MTUS2: variants seen among roughly 807,000 people sequenced by gnomAD.
MTUS2 encodes the protein microtubule associated scaffold protein 2, also known as microtubule-associated tumor suppressor candidate 2.
A neutral mutation model predicts 114.1 loss-of-function variants in MTUS2; 40 were observed. The observed-to-expected ratio is 0.35, with a 90% confidence interval of 0.27 to 0.46. MTUS2 has a LOEUF of 0.46. Among genes scored for constraint, MTUS2 ranks in the 20% least tolerant of loss-of-function variants. The pLI, the probability that MTUS2 is intolerant of heterozygous loss-of-function variation, is 1.00. For synonymous variants in MTUS2, 688 were observed against 672.0 expected, an observed-to-expected ratio of 1.02 and a Z score of -0.37; for missense variants, 1,679 against 1,705.4, an observed-to-expected ratio of 0.98 and a Z score of 0.27.
intron 8 of MTUS2, among the ~76,000 whole-genome samples, chr13:29,387,697 A>G (rs1872723725): frequency 6.6e-6 from 1 of 152,180 alleles, no homozygotes; most frequent in African/African-American, 2.4e-5. Flanking sequence ...GTGTGTGGGA[A>G]AAACCAGTAG....
chr13:29,395,568 A>G (rs987814342), intron 8 of MTUS2, among the ~76,000 whole-genome samples: 2 of 152,192 alleles, frequency 1.3e-5, no homozygotes, highest in Non-Finnish European at 2.9e-5. Context: ...GGTACCTGCA[A>G]AGTCACAGCC....
At chr13:29,169,740 T>C (rs1471523713) in intron 5 of MTUS2, among the ~76,000 whole-genome samples, 1 of 152,168 alleles carries the variant, frequency 6.6e-6, no homozygotes, top group African/African-American at 2.4e-5. Context: ...CGCTTAAGGA[T>C]TTTTCCAGCC....
chr13:29,503,446 C>G lies in MTUS2; in HGVS notation c.*240C>G, dbSNP rs1164303845. 4 of 586,678 alleles carry G rather than the reference C, an allele frequency of 6.8e-6. No individual in the cohort carries two copies. The African/African-American group carries it at 7.4e-5, about 11-fold the overall frequency. 36.3% of individuals were successfully genotyped at this position (586,678 alleles called of 1,614,324 possible). On this transcript the variant is annotated 3_prime_UTR_variant, in exon 16 of 16. Coordinates refer to ENST00000612955, the MANE Select transcript of MTUS2 (RefSeq NM_001033602.4). Reference sequence around the variant, plus strand: ...ACCATAGTTAGAGCCAAAAGAAAGACACTTGCAATTGTTCTTGAGCAATGA... The same window carrying G: ...ACCATAGTTAGAGCCAAAAGAAAGAGACTTGCAATTGTTCTTGAGCAATGA...
intron 5 of MTUS2, among the ~76,000 whole-genome samples, chr13:29,234,032 T>A (rs4769704): frequency 0.76 from 116,113 of 152,120 alleles, 44,450 homozygotes; most frequent in East Asian, 0.89. Context: ...TTCAGTGAAT[T>A]TCAGGTCAAG....
intron 11 of MTUS2, among the ~76,000 whole-genome samples, chr13:29,491,805 ATG>A: frequency 8.6e-6 from 1 of 116,116 alleles, no homozygotes; most frequent in Non-Finnish European, 1.8e-5. Context: ...AGCGTATGTG[ATG>A]TGTGTGGGGT....
rs149268055 is a variant in MTUS2 at position 28,993,155 on chromosome 13, G to A, written c.-242-31302G>A. Reference sequence around the variant, plus strand: ...TTATCCATAGGGGGATATTTGGGTTGATTTCACATTTTAGCTATTGTGACT... The same window carrying A: ...TTATCCATAGGGGGATATTTGGGTTAATTTCACATTTTAGCTATTGTGACT... On this transcript the variant is annotated intron_variant, in intron 2 of 15. Transcript: ENST00000612955. Among the ~76,000 whole-genome samples, 471 of 152,292 alleles carry A rather than the reference G, an allele frequency of 3.1e-3. 6 individuals carry two copies. The highest frequency in any genetic ancestry group is 0.011 in the African/African-American group (454 of 41,566).
chr13:29,299,323 C>T (rs530582638), intron 6 of MTUS2, among the ~76,000 whole-genome samples: 4 of 152,224 alleles, frequency 2.6e-5, no homozygotes, highest in East Asian at 1.9e-4. Context: ...TCAGACATCC[C>T]GGGACTAAGG....
chr13:29,108,131 G>T (rs7994251), intron 5 of MTUS2, among the ~76,000 whole-genome samples: 98,442 of 152,110 alleles, frequency 0.65, 32,967 homozygotes, highest in Non-Finnish European at 0.74. Context: ...GGGTTGACAA[G>T]AAATGTTATT....
At chr13:28,895,881 G>A (rs1201011283) in intron 2 of MTUS2, among the ~76,000 whole-genome samples, 1 of 152,194 alleles carries the variant, frequency 6.6e-6, no homozygotes, top group Non-Finnish European at 1.5e-5. Flanking sequence ...GTAATTCTGT[G>A]AGATGGTGCA....
chr13:29,350,779 T>A (rs1869163458), intron 7 of MTUS2, among the ~76,000 whole-genome samples: 1 of 151,742 alleles, frequency 6.6e-6, no homozygotes, highest in Non-Finnish European at 1.5e-5. Context: ...CTCTTCCTTG[T>A]TTGCAGATGG....
At chr13:29,103,414 C>T (rs9506105) in intron 5 of MTUS2, among the ~76,000 whole-genome samples, 1 of 152,048 alleles carries the variant, frequency 6.6e-6, no homozygotes, top group East Asian at 1.9e-4. Context: ...CACAATAGTG[C>T]GTATTGGTAT....
chr13:29,316,175 G>C (rs11618964), intron 6 of MTUS2, among the ~76,000 whole-genome samples: 1 of 152,268 alleles, frequency 6.6e-6, no homozygotes, highest in East Asian at 1.9e-4. Flanking sequence ...CTTTACACAC[G>C]TGTGGGGCCT....
chr13:28,976,246 A>G (rs1884099086), intron 2 of MTUS2, among the ~76,000 whole-genome samples: 1 of 107,996 alleles, frequency 9.3e-6, no homozygotes, highest in African/African-American at 4.2e-5. Flanking sequence ...AAAAAGAATT[A>G]GAGAAATAAG....
At chr13:29,441,201 C>G (rs754326753) in intron 9 of MTUS2, among the ~76,000 whole-genome samples, 1 of 152,044 alleles carries the variant, frequency 6.6e-6, no homozygotes, top group Non-Finnish European at 1.5e-5. Flanking sequence ...CCTTCTCCCC[C>G]ACCAGGAGAA....
At chr13:29,288,998 G>A (rs1898598637) in intron 6 of MTUS2, among the ~76,000 whole-genome samples, 2 of 152,020 alleles carry the variant, frequency 1.3e-5, no homozygotes, top group African/African-American at 4.8e-5. Context: ...AAATCTAGCT[G>A]GGTTTAAAAA....
rs989613644 is a variant in MTUS2, at chr13:29,184,878, T to C, written c.2644+83908T>C. ...ATGAGACATGCAAAAATAAAGAAAG[T>C]GTGGCCAAAAAAATCATGGTGGCAG... On this transcript the variant is annotated intron_variant, in intron 5 of 15. Transcript: ENST00000612955. Among the ~76,000 whole-genome samples the C allele has an allele frequency of 1.6e-4, 24 of 152,094 alleles. 1 individual carries two copies. In the East Asian group the frequency reaches 4.3e-3, roughly 27 times the overall value.
At chr13:29,447,610 A>ATT (rs549056364) in intron 9 of MTUS2, among the ~76,000 whole-genome samples, 33 of 112,198 alleles carry the variant, frequency 2.9e-4, no homozygotes, top group African/African-American at 8.6e-4. Context: ...TGTTGTCTCC[A>ATT]TTTTTTTTTT....
chr13:28,912,395 G>A (rs533736006), intron 2 of MTUS2, among the ~76,000 whole-genome samples: 2 of 152,262 alleles, frequency 1.3e-5, no homozygotes, highest in Non-Finnish European at 2.9e-5. Context: ...GCAATATCAT[G>A]CTGTTTTGGT....
chr13:29,109,060 C>T (rs184639392), intron 5 of MTUS2, among the ~76,000 whole-genome samples: 2 of 151,932 alleles, frequency 1.3e-5, no homozygotes, highest in East Asian at 3.9e-4. Context: ...GGTTAAAACC[C>T]CACCTTCTCT....
Sources: gnomAD v4.1 joint callset for allele counts (sites outside exome capture counted in the v4.1 genomes callset) on GRCh38, gnomAD v4.1.1 for gene constraint, MANE v1.5 for transcripts, NCBI Gene and HGNC (gene_info 2026-07-23, HGNC 2026-07-21) for gene names.